UBA6: variants seen among roughly 807,000 people sequenced by gnomAD.
UBA6 encodes the protein ubiquitin-like modifier-activating enzyme 6.
In UBA6, 87 loss-of-function variants were observed where a neutral mutation model predicts 148.3. The observed-to-expected ratio is 0.59, with a 90% CI of 0.49 to 0.70. UBA6 has a LOEUF of 0.70. UBA6 is among the 30% of genes least tolerant of loss of function. UBA6 has a pLI of 0.00. For missense variants in UBA6, 1,186 were observed against 1,241.2 expected (o/e 0.96, Z 0.67); for synonymous variants, 376 against 401.0 (o/e 0.94, Z 0.75).
At chr4:67,695,895 TCTTTA>T (rs1730820417) in intron 2 of UBA6, among the ~76,000 whole-genome samples, 1 of 152,214 alleles carries the variant, frequency 6.6e-6, no homozygotes, top group South Asian at 2.1e-4. Flanking sequence ...TGCATCTTTT[TCTTTA>T]CTTTAAAAAG....
intron 2 of UBA6, among the ~76,000 whole-genome samples, chr4:67,683,474 A>G (rs1730488170): frequency 6.6e-6 from 1 of 152,228 alleles, no homozygotes; most frequent in Non-Finnish European, 1.5e-5. Context: ...AGCTTGTCCA[A>G]CCCACGGTCC....
intron 17 of UBA6, among the ~76,000 whole-genome samples, chr4:67,642,676 T>C (rs1729334915): frequency 6.6e-6 from 1 of 152,124 alleles, no homozygotes; most frequent in African/African-American, 2.4e-5. Flanking sequence ...CATTATCTTC[T>C]ATTTATTGCT....
rs1489500353 is a variant in UBA6, at chr4:67,617,830, TA to T, written c.*1166del. On this transcript the variant is annotated 3_prime_UTR_variant, in exon 33 of 33. Transcript: ENST00000322244. The stretch of plus-strand genomic sequence containing the variant: ...TCAGAATGCATGACAGTCTTAGTAA[TA>T]AAAGAATCATTTACTATTTTCACTG... 6.6e-6 allele frequency: 1 copy of T among 152,038 alleles called. No individual in the cohort carries two copies. Among genetic ancestry groups the T allele is most frequent in the East Asian group, 1.9e-4 (1 of 5,196 alleles). 9.4% of individuals were successfully genotyped at this position (152,038 alleles called of 1,614,324 possible).
chr4:67,640,689 T>C (rs1253892911), intron 18 of UBA6, among the ~76,000 whole-genome samples: 2 of 152,066 alleles, frequency 1.3e-5, no homozygotes, highest in Non-Finnish European at 2.9e-5. Context: ...TTGATTTATA[T>C]AAAAAAGGAG....
At position 67,635,529 on chromosome 4, in the gene UBA6, A is replaced by C; in HGVS notation, c.1766T>G (p.Leu589Ter). Reference protein sequence around the residue: ...SRCLANLRPLLDSGTMGTKGH... With the variant: ...SRCLANLRPL Reference sequence around the variant, plus strand: ...CTTAGTGCCCATTGTTCCAGAATCTAAAAGAGGCCTTAGATTTGCTAAGCA... The same window carrying C: ...CTTAGTGCCCATTGTTCCAGAATCTCAAAGAGGCCTTAGATTTGCTAAGCA... Residue 589 changes from leucine to a stop codon, truncating the protein, a stop_gained, in exon 20 of 33, where the codon TTA (leucine) becomes TGA (stop). Transcript: ENST00000322244. LOFTEE classifies it high-confidence loss of function. 1 of 1,612,854 alleles carries C rather than the reference A, an allele frequency of 6.2e-7. No homozygotes were observed.
intron 11 of UBA6, chr4:67,663,521 A>G: frequency 2.8e-6 from 1 of 353,468 alleles, no homozygotes; most frequent in Non-Finnish European, 5.1e-6. Flanking sequence ...AAAATAGAAT[A>G]CATACTCAAG....
rs1462223633 is a variant in UBA6, at chr4:67,616,385, C to CT, written c.*2611dup. 3.0e-6 allele frequency: 1 copy of CT among 335,680 alleles called. No homozygotes were observed. Among genetic ancestry groups the CT allele is most frequent in the African/African-American group, 2.1e-5 (1 of 47,160 alleles). The allele number at this position is 335,680 out of a possible 1,614,324, so 20.8% of individuals were successfully genotyped here. On this transcript the variant is annotated 3_prime_UTR_variant, in exon 33 of 33. Transcript: ENST00000322244. ...ACTAATTATAAAATAAACATAGTTG[C>CT]TTTTTTAATGTTCCATGAATATCAC... is the stretch of plus-strand genomic sequence containing the variant.
At chr4:67,663,711 T>G (rs1049023578) in intron 11 of UBA6, 174 bp downstream of exon 11, 1 of 484,954 alleles carries the variant, frequency 2.1e-6, no homozygotes, top group African/African-American at 2.0e-5. Context: ...AAATTCACAT[T>G]TTTAATCCTC....
intron 7 of UBA6, among the ~76,000 whole-genome samples, chr4:67,671,889 T>C (rs1730157745): frequency 6.6e-6 from 1 of 152,160 alleles, no homozygotes; most frequent in African/African-American, 2.4e-5. Context: ...CTAATTATGC[T>C]GGAGGTTTAA....
intron 11 of UBA6, chr4:67,663,589 A>G: frequency 2.5e-6 from 1 of 405,306 alleles, no homozygotes; most frequent in East Asian, 4.0e-5. Flanking sequence ...AAATCTTTTA[A>G]TAAGATCATC....
chr4:67,615,573 G>A lies in UBA6; in HGVS notation c.*3424C>T, dbSNP rs1728609131. 1 of 152,126 alleles carries A rather than the reference G, an allele frequency of 6.6e-6. No homozygotes were observed. The highest frequency in any genetic ancestry group is 1.5e-5 in the Non-Finnish European group (1 of 68,030). The allele number at this position is 152,126 out of a possible 1,614,324, so 9.4% of individuals were successfully genotyped here. On this transcript the variant is annotated 3_prime_UTR_variant, in exon 33 of 33. Transcript: ENST00000322244. ...TAAATATATACTCTTTGTACTAGGAGTTACATAAAATGATGTTCATTGTGA... is the reference window on the plus strand; with the variant it reads ...TAAATATATACTCTTTGTACTAGGAATTACATAAAATGATGTTCATTGTGA...
intron 6 of UBA6, among the ~76,000 whole-genome samples, chr4:67,674,292 G>C (rs1730223287): frequency 6.6e-6 from 1 of 152,112 alleles, no homozygotes; most frequent in Non-Finnish European, 1.5e-5. Context: ...AGTCTATACA[G>C]TCTCACAAGG....
At chr4:67,649,368 C>T (rs1205946471) in intron 13 of UBA6, among the ~76,000 whole-genome samples, 157 bp from the exon 14 acceptor site, 1 of 152,214 alleles carries the variant, frequency 6.6e-6, no homozygotes, top group East Asian at 1.9e-4. Flanking sequence ...TTCATGATAA[C>T]AGACCCATTT....
At chr4:67,662,116 G>T in intron 13 of UBA6, 73 bp downstream of exon 13, 1 of 1,426,436 alleles carries the variant, frequency 7.0e-7, no homozygotes, top group Non-Finnish European at 9.9e-7. Flanking sequence ...TGAAGGATAA[G>T]AGAATACTAA....
Position 67,613,937 on chromosome 4 carries a change from A to C in UBA6, c.*5060T>G, listed in dbSNP as rs1728581150. The C allele has an allele frequency of 6.6e-6, 1 of 152,108 alleles. No homozygotes were observed. 9.4% of individuals were successfully genotyped at this position (152,108 alleles called of 1,614,324 possible). A position where few individuals can be genotyped will look rare whatever the true frequency, so the allele number is the denominator to read the frequency against. ...CCCTTGTGGGAAAAATCTACATTCT[A>C]TAAAGAATCCCCTTTCCCCTTTACC... On this transcript the variant is annotated 3_prime_UTR_variant, in exon 33 of 33. Transcript: ENST00000322244.
At chr4:67,651,258 G>A (rs1729547968) in intron 13 of UBA6, among the ~76,000 whole-genome samples, 1 of 151,970 alleles carries the variant, frequency 6.6e-6, no homozygotes, top group Admixed American at 6.6e-5. Context: ...AAAAAACCTT[G>A]AATCAGGAAT....
chr4:67,662,086 C>T (rs749325934), intron 13 of UBA6, 103 bp downstream of exon 13: 1 of 1,139,560 alleles, frequency 8.8e-7, no homozygotes, highest in South Asian at 1.4e-5. Context: ...TCTAATGCCA[C>T]AGAGTAGCAA....
intron 6 of UBA6, among the ~76,000 whole-genome samples, chr4:67,676,694 A>G (rs745730391): frequency 7.2e-5 from 11 of 152,194 alleles, no homozygotes; most frequent in Non-Finnish European, 1.5e-4. Flanking sequence ...GTACCTACAG[A>G]TAACAGTTCA....
chr4:67,647,781 T>G (rs1405538876), intron 14 of UBA6, among the ~76,000 whole-genome samples: 2 of 150,724 alleles, frequency 1.3e-5, no homozygotes, highest in Admixed American at 1.3e-4. Context: ...TGGTGTTTTT[T>G]TTTTTTTTTT....
Sources: allele counts gnomAD v4.1 joint callset (sites outside exome capture counted in the v4.1 genomes callset), GRCh38; gene constraint gnomAD v4.1.1; transcripts MANE v1.5; gene names NCBI Gene and HGNC (gene_info 2026-07-23, HGNC 2026-07-21).